The following TTC17 variants were observed in gnomAD, a reference collection of about 807,000 sequenced individuals.
The protein encoded by TTC17 is tetratricopeptide repeat protein 17.
Under a neutral mutation model 143.8 loss-of-function variants are expected in TTC17, and 58 were observed. That is an observed-to-expected ratio of 0.40 (90% confidence interval 0.33 to 0.50). The LOEUF (loss-of-function observed/expected upper bound fraction) is 0.50. Ranked by LOEUF, TTC17 falls within the 20% of genes least tolerant of loss-of-function variation. TTC17 has a pLI of 0.49. For synonymous variants in TTC17, 501 were observed against 497.8 expected (o/e 1.01, Z -0.09); for missense variants, 1,273 against 1,392.5 (o/e 0.91, Z 1.37).
At chr11:43,440,460 A>G (rs899914246) in intron 16 of TTC17, among the ~76,000 whole-genome samples, 2 of 152,206 alleles carry the variant, frequency 1.3e-5, no homozygotes, top group Non-Finnish European at 2.9e-5. Flanking sequence ...AGACTGAAAA[A>G]TCTTGAAATC....
intron 21 of TTC17, among the ~76,000 whole-genome samples, chr11:43,477,894 A>G (rs1255819042): frequency 1.3e-5 from 2 of 152,218 alleles, no homozygotes; most frequent in Non-Finnish European, 2.9e-5. Flanking sequence ...AAGTGATAAT[A>G]ACATCAGTAT....
intron 16 of TTC17, chr11:43,436,207 G>A: frequency 6.8e-7 from 1 of 1,469,886 alleles, no homozygotes; most frequent in East Asian, 2.5e-5. Context: ...ATGACAAACA[G>A]AAATATTTTG....
chr11:43,398,800 AAC>A (rs957639826), intron 8 of TTC17, among the ~76,000 whole-genome samples: 4 of 152,230 alleles, frequency 2.6e-5, no homozygotes, highest in Non-Finnish European at 5.9e-5. Flanking sequence ...TAGAGAATTA[AAC>A]AGAGATTTAG....
chr11:43,379,047 T>A (rs1856865514), intron 1 of TTC17, 186 bp from the exon 2 acceptor site: 3 of 579,562 alleles, frequency 5.2e-6, no homozygotes, highest in Non-Finnish European at 9.0e-6. Flanking sequence ...AGGACAACTG[T>A]TGCACTTGTC....
At chr11:43,359,219 A>C in intron 1 of TTC17, 106 bp downstream of exon 1, 1 of 1,367,448 alleles carries the variant, frequency 7.3e-7, no homozygotes, top group Non-Finnish European at 9.6e-7. Flanking sequence ...CCCCCAGCCT[A>C]CCCTCACAGG....
At chr11:43,411,672 A>G (rs150577422) in intron 15 of TTC17, among the ~76,000 whole-genome samples, 2 of 152,304 alleles carry the variant, frequency 1.3e-5, no homozygotes, top group African/African-American at 4.8e-5. Flanking sequence ...GTTTATCTCA[A>G]TGCAGGATAT....
intron 1 of TTC17, among the ~76,000 whole-genome samples, chr11:43,362,442 T>G (rs1856155255): frequency 6.6e-6 from 1 of 152,172 alleles, no homozygotes; most frequent in African/African-American, 2.4e-5. Context: ...TACCGCAGAC[T>G]TGTCAACATG....
At chr11:43,393,375 A>T (rs918144425) in intron 5 of TTC17, among the ~76,000 whole-genome samples, 4 of 152,184 alleles carry the variant, frequency 2.6e-5, no homozygotes, top group Non-Finnish European at 2.9e-5. Context: ...ATTGTAAAGG[A>T]TGCAATTCAG....
At chr11:43,377,574 C>T (rs1007806790) in intron 1 of TTC17, among the ~76,000 whole-genome samples, 2 of 152,118 alleles carry the variant, frequency 1.3e-5, no homozygotes, top group Non-Finnish European at 2.9e-5. Flanking sequence ...AGATCTTTGC[C>T]ATTTGCTGTC....
At chr11:43,448,884 A>G (rs2134748307) in intron 19 of TTC17, 1 of 152,162 alleles carries the variant, frequency 6.6e-6, no homozygotes, top group Non-Finnish European at 1.5e-5. Flanking sequence ...AAATAGCTCC[A>G]GTAATGCTTA....
chr11:43,467,059 A>G (rs527866063), intron 21 of TTC17, among the ~76,000 whole-genome samples: 1 of 151,936 alleles, frequency 6.6e-6, no homozygotes, highest in African/African-American at 2.4e-5. Context: ...GTTTATGATT[A>G]TGAAATAAAA....
rs376971962 is a variant in TTC17, at chr11:43,379,482, T to TGTG, written c.249+160_249+161insGTG. ...AATGTGTGTGTGTGTGTGTGTGTGT[T>TGTG]TTTTCTTTATCATTTTATCAAAGTG... On this transcript the variant is annotated intron_variant, in intron 2 of 23. Transcript: ENST00000039989. Among the ~76,000 whole-genome samples, 1,027 of 151,332 alleles carry TGTG rather than the reference T, an allele frequency of 6.8e-3. 15 individuals are homozygous for TGTG. Among genetic ancestry groups the TGTG allele is most frequent in the African/African-American group, 0.024 (987 of 40,892 alleles).
At chr11:43,362,133 A>G (rs1590295688) in intron 1 of TTC17, among the ~76,000 whole-genome samples, 1 of 149,224 alleles carries the variant, frequency 6.7e-6, no homozygotes, top group African/African-American at 2.5e-5. Flanking sequence ...GGCATGCACT[A>G]CCACACCCGG....
At chr11:43,449,861 C>G (rs1947622638) in intron 19 of TTC17, 3 of 526,278 alleles carry the variant, frequency 5.7e-6, no homozygotes, top group Non-Finnish European at 3.3e-6. Flanking sequence ...TAAAAGAAAA[C>G]TAAAAGATAT....
At chr11:43,484,920 G>A (rs1948354370) in intron 21 of TTC17, among the ~76,000 whole-genome samples, 1 of 151,908 alleles carries the variant, frequency 6.6e-6, no homozygotes, top group African/African-American at 2.4e-5. Flanking sequence ...AGCTGTACAT[G>A]CGAGGGATCT....
intron 21 of TTC17, among the ~76,000 whole-genome samples, chr11:43,466,020 G>T (rs1310340639): frequency 6.6e-6 from 1 of 152,140 alleles, no homozygotes; most frequent in Non-Finnish European, 1.5e-5. Context: ...GAAAATATTT[G>T]CAAGTCATAC....
rs72448738 is a variant in TTC17, at chr11:43,379,458, A to ATG, written c.249+158_249+159dup. On this transcript the variant is annotated intron_variant, in intron 2 of 23. Coordinates refer to ENST00000039989, the MANE Select transcript of TTC17 (RefSeq NM_018259.6). Reference sequence around the variant, plus strand: ...CTTTTGCGGGAATATACTACCTGCAATGTGTGTGTGTGTGTGTGTGTGTTT... The same window carrying ATG: ...CTTTTGCGGGAATATACTACCTGCAATGTGTGTGTGTGTGTGTGTGTGTGTTT... The ATG allele has an allele frequency of 9.9e-3, 6,135 of 621,924 alleles. 72 individuals are homozygous for ATG. Among genetic ancestry groups the ATG allele is most frequent in the African/African-American group, 0.052 (2,684 of 51,202 alleles). 38.5% of individuals were successfully genotyped at this position (621,924 alleles called of 1,614,324 possible).
At chr11:43,365,002 T>G (rs1795157246) in intron 1 of TTC17, among the ~76,000 whole-genome samples, 1 of 151,780 alleles carries the variant, frequency 6.6e-6, no homozygotes. Context: ...ACAGGGTTTC[T>G]CCTGGTCAGG....
chr11:43,484,322 G>T (rs1212419253), intron 21 of TTC17, among the ~76,000 whole-genome samples: 1 of 152,106 alleles, frequency 6.6e-6, no homozygotes, highest in Non-Finnish European at 1.5e-5. Flanking sequence ...TTTCTGTACA[G>T]CAGCACAAAA....
Sources: gnomAD v4.1 joint callset for allele counts (sites outside exome capture counted in the v4.1 genomes callset) on GRCh38, gnomAD v4.1.1 for gene constraint, MANE v1.5 for transcripts, NCBI Gene and HGNC (gene_info 2026-07-23, HGNC 2026-07-21) for gene names.